MKRN1: variants seen among roughly 807,000 people sequenced by gnomAD.
MKRN1 encodes E3 ubiquitin-protein ligase makorin-1.
Under a neutral mutation model 55.5 loss-of-function variants are expected in MKRN1, and 9 were observed. The observed-to-expected ratio is 0.16, with a 90% CI of 0.10 to 0.28. The LOEUF (loss-of-function observed/expected upper bound fraction) is 0.28. Among genes scored for constraint, MKRN1 ranks in the 10% least tolerant of loss-of-function variants. The pLI, the probability that MKRN1 is intolerant of heterozygous loss-of-function variation, is 1.00. For synonymous variants in MKRN1, 253 were observed against 235.9 expected, an observed-to-expected ratio of 1.07 and a Z score of -0.66; for missense variants, 488 against 626.7, an observed-to-expected ratio of 0.78 and a Z score of 2.36.
chr7:140,468,235 TCA>T (rs1438419065), intron 2 of MKRN1, among the ~76,000 whole-genome samples: 1 of 151,986 alleles, frequency 6.6e-6, no homozygotes, highest in African/African-American at 2.4e-5. Flanking sequence ...CCTGCCCCAG[TCA>T]CAGTTGGCAG....
intron 1 of MKRN1, among the ~76,000 whole-genome samples, chr7:140,477,086 G>A (rs1484491884): frequency 8.1e-6 from 1 of 123,238 alleles, no homozygotes; most frequent in Admixed American, 8.2e-5. Flanking sequence ...AAACAAGAGG[G>A]AAACTCTGTC....
rs200164454 is a variant in MKRN1 at position 140,454,542 on chromosome 7, T to C, written c.1424A>G (p.Glu475Gly). ...CTATAGATCCAAGTCATAAAAATCT[T>C]CCAGCTCATCATGAAACAAGTCCCA... ...DEWDLFHDEL[E>G]DFYDLDL The change falls in exon 8 of 8, where the codon GAA becomes GGA. Residue 475 changes from glutamate (E) to glycine (G), a missense_variant. Around this residue, in one of 2 missense-constraint regions of MKRN1, gnomAD observed 278 missense variants for 406.7 expected, o/e 0.68. Transcript: ENST00000255977. 16 of 1,612,490 alleles carry C rather than the reference T, an allele frequency of 9.9e-6. No homozygotes were observed. The highest frequency in any genetic ancestry group is 8.5e-7 in the Non-Finnish European group (1 of 1,179,800).
At chr7:140,470,164 T>C (rs13229884) in intron 2 of MKRN1, among the ~76,000 whole-genome samples, 20,213 of 149,202 alleles carry the variant, frequency 0.14, 1,798 homozygotes, top group South Asian at 0.19. Context: ...GAGGTTGCAG[T>C]GAGCTGAGAT....
intron 2 of MKRN1, among the ~76,000 whole-genome samples, chr7:140,468,582 T>C (rs896058776): frequency 5.3e-5 from 8 of 151,066 alleles, no homozygotes; most frequent in African/African-American, 1.2e-4. Flanking sequence ...ATGCCTGTAA[T>C]CCCAGCTACT....
At position 140,462,038 on chromosome 7, in the gene MKRN1, T is replaced by C. The variant is rs556684652; in HGVS notation, c.315-2102A>G. On this transcript the variant is annotated intron_variant, in intron 2 of 7. Transcript: ENST00000255977. ...TCTTTTAGCATTTTACACTAAGAAA[T>C]TGACTGATTTTCAGAGACTCACTCT... Among the ~76,000 whole-genome samples, 461 of 152,274 alleles carry C rather than the reference T, an allele frequency of 3.0e-3. 3 individuals are homozygous for C. Among genetic ancestry groups the C allele is most frequent in the Non-Finnish European group, 3.2e-3 (216 of 68,014 alleles).
intron 2 of MKRN1, among the ~76,000 whole-genome samples, chr7:140,467,003 G>A (rs1465154413): frequency 3.3e-5 from 5 of 149,648 alleles, no homozygotes; most frequent in South Asian, 2.1e-4. Context: ...TTGAGACAGA[G>A]TTTCGCTCTT....
intron 1 of MKRN1, 96 bp from the exon 2 acceptor site, chr7:140,472,107 A>G (rs1794945678): frequency 4.0e-6 from 6 of 1,495,242 alleles, no homozygotes; most frequent in South Asian, 3.6e-5. Flanking sequence ...ACCAGTAAAT[A>G]CACAAACATA....
chr7:140,454,962 T>TTTCCTCCTTTAATA (rs2130238345), intron 7 of MKRN1, 133 bp downstream of exon 7: 2 of 1,320,748 alleles, frequency 1.5e-6, no homozygotes, highest in East Asian at 4.6e-5. Flanking sequence ...CTGAGGTTTG[T>TTTCCTCCTTTAATA]TTCCTCCTTT....
chr7:140,475,405 A>G, intron 1 of MKRN1: 1 of 307,790 alleles, frequency 3.2e-6, no homozygotes. Flanking sequence ...CACACCTGTA[A>G]TCCCAGCACT....
At chr7:140,471,860 C>T (rs1014043455) in intron 2 of MKRN1, 23 bp downstream of exon 2, 2 of 1,609,738 alleles carry the variant, frequency 1.2e-6, no homozygotes, top group East Asian at 2.2e-5. Context: ...CACCCCTGAA[C>T]AAATTTATAA....
At chr7:140,474,005 A>AG (rs1554450296) in intron 1 of MKRN1, among the ~76,000 whole-genome samples, 1 of 65,654 alleles carries the variant, frequency 1.5e-5, no homozygotes, top group Non-Finnish European at 2.7e-5. Flanking sequence ...AAAAAAAAAA[A>AG]AAAGAAAGAA....
intron 2 of MKRN1, among the ~76,000 whole-genome samples, chr7:140,467,775 G>A (rs1473237383): frequency 6.6e-6 from 1 of 151,944 alleles, no homozygotes; most frequent in Non-Finnish European, 1.5e-5. Flanking sequence ...GGCTGAGGCG[G>A]GCGGATCACC....
intron 1 of MKRN1, among the ~76,000 whole-genome samples, chr7:140,475,610 G>A (rs376689265): frequency 3.3e-5 from 5 of 152,130 alleles, no homozygotes; most frequent in African/African-American, 1.2e-4. Flanking sequence ...GCTGCAATGA[G>A]CCAAGACACT....
At chr7:140,463,695 C>A (rs1009499417) in intron 2 of MKRN1, among the ~76,000 whole-genome samples, 2 of 151,932 alleles carry the variant, frequency 1.3e-5, no homozygotes, top group Non-Finnish European at 2.9e-5. Flanking sequence ...ACCATCCTGG[C>A]TAACACGGTG....
rs540488364 is a variant in MKRN1, at chr7:140,456,345, ACATT to A, written c.986+303_986+306del. On this transcript the variant is annotated intron_variant, in intron 5 of 7. Coordinates refer to ENST00000255977, the MANE Select transcript of MKRN1 (RefSeq NM_013446.4). ...GGAAATGTAAAACGTCAGGAAACAT[ACATT>A]CAGAGCTAGATCAGTTTGTTCACTG... is the stretch of plus-strand genomic sequence containing the variant. The A allele has an allele frequency of 1.7e-3, 2,140 of 1,243,454 alleles. 1 individual carries two copies. Among genetic ancestry groups the A allele is most frequent in the Admixed American group, 2.6e-3 (66 of 25,180 alleles). The allele number at this position is 1,243,454 out of a possible 1,614,324, so 77.0% of individuals were successfully genotyped here. A position where few individuals can be genotyped will look rare whatever the true frequency, so the allele number is the denominator to read the frequency against.
chr7:140,476,961 T>C (rs1451385000), intron 1 of MKRN1, among the ~76,000 whole-genome samples: 1 of 151,824 alleles, frequency 6.6e-6, no homozygotes, highest in African/African-American at 2.4e-5. Flanking sequence ...TGCACGCCTG[T>C]AATCCCAGCT....
At chr7:140,466,274 T>C (rs1794762852) in intron 2 of MKRN1, among the ~76,000 whole-genome samples, 1 of 152,216 alleles carries the variant, frequency 6.6e-6, no homozygotes, top group South Asian at 2.1e-4. Context: ...GTTTCTCTAC[T>C]TCCTTTCACT....
chr7:140,465,485 G>C (rs887416545), intron 2 of MKRN1, among the ~76,000 whole-genome samples: 2 of 151,890 alleles, frequency 1.3e-5, no homozygotes, highest in African/African-American at 4.8e-5. Flanking sequence ...AAAAAAGAAA[G>C]AAGTCAACCA....
In MKRN1 at chr7:140,479,162, G is replaced by A; in HGVS notation, c.183C>T (p.Cys61=). ...CGCTCCGCCGCGCAACGTCCTACCT[G>A]CAGGTGACCTGTTTAGTCCAGCCGC... ...SGGGWTKQVT[C]RYFMHGVCKE... is the part of the protein sequence containing the mutation. The change falls in exon 1 of 8, where the codon TGC becomes TGT. Residue 61 remains cysteine (C), a splice_region_variant and synonymous_variant. Transcript: ENST00000255977. 7.0e-7 allele frequency: 1 copy of A among 1,429,422 alleles called. No individual in the cohort carries two copies. Among genetic ancestry groups the A allele is most frequent in the African/African-American group, 1.5e-5 (1 of 66,718 alleles). The allele number at this position is 1,429,422 out of a possible 1,614,324, so 88.5% of individuals were successfully genotyped here.
Sources: gnomAD v4.1 joint callset for allele counts (sites outside exome capture counted in the v4.1 genomes callset) on GRCh38, gnomAD v4.1.1 for gene constraint, gnomAD v4.1.1 regional missense constraint, MANE v1.5 for transcripts, NCBI Gene and HGNC (gene_info 2026-07-23, HGNC 2026-07-21) for gene names.